Variants in SGCZ observed in about 807,000 individuals in gnomAD.
SGCZ encodes the protein zeta-sarcoglycan.
SGCZ carries 40 observed loss-of-function variants against 41.3 expected under a neutral mutation model. The ratio of observed to expected loss-of-function variants is 0.97; its 90% CI spans 0.75 to 1.26. The LOEUF (loss-of-function observed/expected upper bound fraction) is 1.26, where lower values mean the gene tolerates loss of function less well. Ranked by LOEUF, SGCZ falls within the 50% of genes most tolerant of loss-of-function variation. SGCZ has a pLI of 0.00. For synonymous variants in SGCZ, 206 were observed against 137.5 expected, an observed-to-expected ratio of 1.50 and a Z score of -3.49; for missense variants, 552 against 369.8, an observed-to-expected ratio of 1.49 and a Z score of -4.04.
chr8:15,150,688 C>A (rs1435301150), intron 1 of SGCZ, among the ~76,000 whole-genome samples: 4 of 152,144 alleles, frequency 2.6e-5, no homozygotes, highest in African/African-American at 9.7e-5. Flanking sequence ...TCAAGAGAAA[C>A]AAAGAAGCTG....
intron 1 of SGCZ, among the ~76,000 whole-genome samples, chr8:15,165,039 C>G (rs1799620137): frequency 6.6e-6 from 1 of 152,120 alleles, no homozygotes; most frequent in African/African-American, 2.4e-5. Flanking sequence ...TGCCTGTAAT[C>G]CCAGCACTTT....
At chr8:14,737,078 G>A (rs1338655512) in intron 1 of SGCZ, among the ~76,000 whole-genome samples, 1 of 143,742 alleles carries the variant, frequency 7.0e-6, no homozygotes, top group Non-Finnish European at 1.5e-5. Flanking sequence ...TATATATCTG[G>A]TATATAAGAT....
At chr8:14,993,741 G>A (rs1802108381) in intron 1 of SGCZ, among the ~76,000 whole-genome samples, 1 of 152,168 alleles carries the variant, frequency 6.6e-6, no homozygotes, top group Non-Finnish European at 1.5e-5. Context: ...AGTGTACCTG[G>A]CGCAGCATGA....
intron 1 of SGCZ, among the ~76,000 whole-genome samples, chr8:15,004,032 A>G (rs1802515974): frequency 6.6e-6 from 1 of 152,122 alleles, no homozygotes; most frequent in African/African-American, 2.4e-5. Context: ...TGGAAAATCT[A>G]ACGCCCCAGA....
intron 1 of SGCZ, among the ~76,000 whole-genome samples, chr8:14,785,277 G>T (rs963159086): frequency 4.0e-5 from 6 of 151,706 alleles, no homozygotes; most frequent in African/African-American, 1.5e-4. Flanking sequence ...ATTTCAAAAA[G>T]AACCAGACAA....
chr8:14,154,643 C>G (rs954453091), intron 5 of SGCZ, among the ~76,000 whole-genome samples: 2 of 152,122 alleles, frequency 1.3e-5, no homozygotes, highest in African/African-American at 4.8e-5. Flanking sequence ...TCAAACTTTG[C>G]TAAATCTGAT....
chr8:14,557,017 C>T (rs1194183882), intron 1 of SGCZ, among the ~76,000 whole-genome samples: 1 of 151,970 alleles, frequency 6.6e-6, no homozygotes. Context: ...CCACTATTTT[C>T]CATAATGTTT....
At chr8:14,344,158 A>T (rs1802810052) in intron 2 of SGCZ, among the ~76,000 whole-genome samples, 1 of 152,164 alleles carries the variant, frequency 6.6e-6, no homozygotes, top group Non-Finnish European at 1.5e-5. Flanking sequence ...TTTCATTCAC[A>T]AATGCGTGGA....
At chr8:15,059,757 T>C (rs994448615) in intron 1 of SGCZ, among the ~76,000 whole-genome samples, 1 of 152,240 alleles carries the variant, frequency 6.6e-6, no homozygotes. Context: ...GTAAACCAGT[T>C]AGCACGTTTT....
chr8:14,865,882 G>GGA (rs1285515722), intron 1 of SGCZ, among the ~76,000 whole-genome samples: 1 of 152,036 alleles, frequency 6.6e-6, no homozygotes, highest in Admixed American at 6.6e-5. Flanking sequence ...AAGTACTTAT[G>GGA]GAGTTAGGTG....
chr8:15,121,993 A>T (rs1434562099), intron 1 of SGCZ, among the ~76,000 whole-genome samples: 1 of 152,084 alleles, frequency 6.6e-6, no homozygotes, highest in African/African-American at 2.4e-5. Context: ...GTGTAGGGAT[A>T]CAACATAAAT....
At chr8:14,913,357 C>T (rs906296118) in intron 1 of SGCZ, among the ~76,000 whole-genome samples, 1 of 152,048 alleles carries the variant, frequency 6.6e-6, no homozygotes, top group Non-Finnish European at 1.5e-5. Context: ...TGTGCTCTCA[C>T]AACTATATGG....
At chr8:14,775,119 G>A (rs1800361128) in intron 1 of SGCZ, among the ~76,000 whole-genome samples, 1 of 152,144 alleles carries the variant, frequency 6.6e-6, no homozygotes, top group Non-Finnish European at 1.5e-5. Flanking sequence ...GATGGATCTT[G>A]GCTAGTTACA....
At chr8:14,872,153 C>A (rs935882575) in intron 1 of SGCZ, among the ~76,000 whole-genome samples, 2 of 151,874 alleles carry the variant, frequency 1.3e-5, no homozygotes, top group African/African-American at 4.8e-5. Context: ...GAACATCACA[C>A]ACCAGGGCCT....
chr8:15,147,920 G>A (rs1038017685), intron 1 of SGCZ, among the ~76,000 whole-genome samples: 4 of 152,118 alleles, frequency 2.6e-5, no homozygotes, highest in African/African-American at 9.7e-5. Context: ...CTTAATTCGT[G>A]GTAGAATTGG....
chr8:15,097,820 G>A (rs1325734629), intron 1 of SGCZ, among the ~76,000 whole-genome samples: 13 of 61,978 alleles, frequency 2.1e-4, no homozygotes, highest in African/African-American at 6.5e-4. Flanking sequence ...ATATACGTGT[G>A]TGTATATATA....
intron 3 of SGCZ, among the ~76,000 whole-genome samples, chr8:14,320,921 T>C (rs370242236): frequency 3.3e-5 from 5 of 152,040 alleles, no homozygotes; most frequent in African/African-American, 1.2e-4. Flanking sequence ...TAGAAGTAGT[T>C]AAATGTATGT....
At chr8:14,653,039 C>A (rs1042422495) in intron 1 of SGCZ, among the ~76,000 whole-genome samples, 1 of 151,882 alleles carries the variant, frequency 6.6e-6, no homozygotes, top group South Asian at 2.1e-4. Flanking sequence ...TAGTTTATTG[C>A]CAGCAAAAAA....
chr8:14,414,484 G>A (rs528307593), intron 2 of SGCZ, among the ~76,000 whole-genome samples: 17 of 151,858 alleles, frequency 1.1e-4, no homozygotes, highest in African/African-American at 3.6e-4. Flanking sequence ...TGTTATGTTT[G>A]GAACCTGCTT....
Sources: gnomAD v4.1 joint callset for allele counts (sites outside exome capture counted in the v4.1 genomes callset) on GRCh38, gnomAD v4.1.1 for gene constraint, MANE v1.5 for transcripts, NCBI Gene and HGNC (gene_info 2026-07-23, HGNC 2026-07-21) for gene names.